RBFOX3: variants seen among roughly 807,000 people sequenced by gnomAD.
RBFOX3 encodes RNA binding fox-1 homolog 3, also known as RNA binding protein fox-1 homolog 3.
A neutral mutation model predicts 48.7 loss-of-function variants in RBFOX3; 17 were observed. The ratio of observed to expected loss-of-function variants is 0.35; its 90% CI spans 0.24 to 0.52. The LOEUF is 0.52. Ranked by LOEUF, RBFOX3 falls within the 20% of genes least tolerant of loss-of-function variation. The pLI, the probability that RBFOX3 is intolerant of heterozygous loss-of-function variation, is 0.94. For missense variants in RBFOX3, 382 were observed against 497.5 expected (o/e 0.77, Z 2.21); for synonymous variants, 212 against 209.5 (o/e 1.01, Z -0.10).
At chr17:79,405,601 A>T (rs893390610) in intron 2 of RBFOX3, among the ~76,000 whole-genome samples, 1 of 152,102 alleles carries the variant, frequency 6.6e-6, no homozygotes, top group Non-Finnish European at 1.5e-5. Flanking sequence ...CGCCCCTGTA[A>T]TCCTAGCTAC....
At chr17:79,543,541 G>A (rs527870415) in intron 1 of RBFOX3, among the ~76,000 whole-genome samples, 6 of 152,164 alleles carry the variant, frequency 3.9e-5, no homozygotes, top group South Asian at 2.1e-4. Context: ...GGCACAGAGC[G>A]AAACCAAGGC....
Position 79,477,433 on chromosome 17 carries a change from G to A in RBFOX3, c.-175+5021C>T, listed in dbSNP as rs1431260119. ...TAGCCAGACGTGGTGGCGGGCGCCT[G>A]TAGTCCCAGCTACTTGGGAGGCTGA... On this transcript the variant is annotated intron_variant, in intron 2 of 14. Coordinates refer to ENST00000693108, the MANE Select transcript of RBFOX3 (RefSeq NM_001350451.2). This position sits in a 1 kb window ranked among gnomAD's most constrained non-coding sequence, Gnocchi z 4.8. Among the ~76,000 whole-genome samples, 1 of 151,854 alleles carries A rather than the reference G, an allele frequency of 6.6e-6. No homozygotes were observed. Among genetic ancestry groups the A allele is most frequent in the Non-Finnish European group, 1.5e-5 (1 of 67,992 alleles).
At chr17:79,152,772 A>T (rs2044854628) in intron 4 of RBFOX3, among the ~76,000 whole-genome samples, 1 of 152,214 alleles carries the variant, frequency 6.6e-6, no homozygotes, top group Non-Finnish European at 1.5e-5. Flanking sequence ...GCCAGAGGCG[A>T]AGACAGGGCC....
intron 3 of RBFOX3, among the ~76,000 whole-genome samples, chr17:79,264,710 C>T (rs2066381808): frequency 6.6e-6 from 1 of 152,172 alleles, no homozygotes; most frequent in Non-Finnish European, 1.5e-5. Context: ...TTCTGTTTTC[C>T]TCCCTGGGAC....
rs1016722638 is a variant in RBFOX3 at position 79,330,583 on chromosome 17, T to C, written c.-174-22759A>G. ...GCGGGGTTTTCAGGGTGGCAGGGGG[T>C]CTGATAGTGGTCCCACTCCTGTCTC... On this transcript the variant is annotated intron_variant, in intron 2 of 14. Coordinates refer to ENST00000693108, the MANE Select transcript of RBFOX3 (RefSeq NM_001350451.2). 5.8e-5 allele frequency among the ~76,000 whole-genome samples: 8 copies of C among 137,844 alleles called. No homozygotes were observed. In the South Asian group the frequency reaches 1.8e-3, roughly 32 times the overall value. 90.4% of individuals were successfully genotyped at this position (137,844 alleles called of 152,430 possible). A position where few individuals can be genotyped will look rare whatever the true frequency, so the allele number is the denominator to read the frequency against.
chr17:79,091,929 GACT>G (rs776068739), intron 14 of RBFOX3: 10 of 981,116 alleles, frequency 1.0e-5, no homozygotes, highest in South Asian at 4.7e-5. Flanking sequence ...ACACGCTTGT[GACT>G]ACGTCGGCAA....
chr17:79,606,700 C>T (rs1452316976), intron 1 of RBFOX3, among the ~76,000 whole-genome samples: 2 of 152,144 alleles, frequency 1.3e-5, no homozygotes, highest in African/African-American at 4.8e-5. Context: ...GGAGGTGACT[C>T]GTCTGTCTGT....
rs139154592 is a variant in RBFOX3 at position 79,357,668 on chromosome 17, C to T, written c.-174-49844G>A. On this transcript the variant is annotated intron_variant, in intron 2 of 14. Transcript: ENST00000693108. The stretch of plus-strand genomic sequence containing the variant: ...CAAACAAAAAACAAACTCTGAAAGA[C>T]GACTTCACTCCTCATGCTAAATGAA... Among the ~76,000 whole-genome samples the T allele has an allele frequency of 1.3e-4, 18 of 142,148 alleles. No homozygotes were observed. In the East Asian group the frequency reaches 2.9e-3, roughly 23 times the overall value. The allele number at this position is 142,148 out of a possible 152,430, so 93.3% of individuals were successfully genotyped here. A position where few individuals can be genotyped will look rare whatever the true frequency, so the allele number is the denominator to read the frequency against.
intron 2 of RBFOX3, among the ~76,000 whole-genome samples, chr17:79,395,126 C>G (rs140678403): frequency 6.6e-6 from 1 of 152,238 alleles, no homozygotes; most frequent in Non-Finnish European, 1.5e-5. Context: ...AACCTTCTGC[C>G]GGAGACCAGG....
intron 2 of RBFOX3, among the ~76,000 whole-genome samples, chr17:79,455,103 CG>C (rs1364201015): frequency 6.6e-6 from 1 of 151,632 alleles, no homozygotes; most frequent in African/African-American, 2.4e-5. Flanking sequence ...TCCCCCTCCA[CG>C]GGGTGTGCAC....
At chr17:79,360,389 C>T (rs1404252692) in intron 2 of RBFOX3, among the ~76,000 whole-genome samples, 1 of 152,066 alleles carries the variant, frequency 6.6e-6, no homozygotes, top group Non-Finnish European at 1.5e-5. Flanking sequence ...ACTGCAATCC[C>T]GCCAACAGGT....
intron 2 of RBFOX3, among the ~76,000 whole-genome samples, chr17:79,375,930 C>T (rs560401881): frequency 3.9e-5 from 6 of 152,338 alleles, no homozygotes; most frequent in East Asian, 1.9e-4. Context: ...GGCTGTAAAA[C>T]GGGGAGTGCA....
chr17:79,115,701 G>GTAGGGGGGGGGGGGGT lies in RBFOX3; in HGVS notation c.14_15insACCCCCCCCCCCCCTA (p.Tyr5Ter). 4.8e-6 allele frequency: 2 copies of GTAGGGGGGGGGGGGGT among 415,910 alleles called. No individual in the cohort carries two copies. The highest frequency in any genetic ancestry group is 3.3e-5 in the Admixed American group (1 of 30,040). 25.8% of individuals were successfully genotyped at this position (415,910 alleles called of 1,614,324 possible). A position where few individuals can be genotyped will look rare whatever the true frequency, so the allele number is the denominator to read the frequency against. On this transcript the variant is annotated stop_gained and frameshift_variant, in exon 5 of 15. Transcript: ENST00000693108. LOFTEE classifies it high-confidence loss of function. ...GCGGAGGGGGGTACTGGGCGGGGGG[G>GTAGGGGGGGGGGGGGT]TAGGGCTGGGCCATCGCTTCAGGCG...
chr17:79,213,817 G>A (rs753196853), intron 4 of RBFOX3, among the ~76,000 whole-genome samples: 6 of 152,190 alleles, frequency 3.9e-5, no homozygotes, highest in Non-Finnish European at 7.3e-5. Flanking sequence ...AAAGGGCTGC[G>A]AACGTCACAG....
intron 4 of RBFOX3, among the ~76,000 whole-genome samples, chr17:79,218,242 G>A (rs550886282): frequency 6.6e-6 from 1 of 151,994 alleles, no homozygotes; most frequent in Non-Finnish European, 1.5e-5. Context: ...GACTTGGGGG[G>A]TGGCAGCGTT....
At chr17:79,302,424 A>T (rs1175254756) in intron 3 of RBFOX3, among the ~76,000 whole-genome samples, 1 of 152,208 alleles carries the variant, frequency 6.6e-6, no homozygotes, top group Admixed American at 6.5e-5. Flanking sequence ...TCACACCTGT[A>T]ATCTCAGCAC....
intron 1 of RBFOX3, among the ~76,000 whole-genome samples, chr17:79,521,317 G>GACAC (rs1253100066): frequency 0.064 from 9,519 of 149,772 alleles, 636 homozygotes; most frequent in African/African-American, 0.17. Context: ...CACATGCTCA[G>GACAC]ACACACACAT....
intron 2 of RBFOX3, among the ~76,000 whole-genome samples, chr17:79,342,570 C>T (rs996760868): frequency 1.4e-4 from 22 of 152,194 alleles, no homozygotes; most frequent in African/African-American, 4.8e-4. Flanking sequence ...CAAAGCCTAG[C>T]GGCTCAACCT....
rs1355063972 is a variant in RBFOX3, at chr17:79,097,446, A to G, written c.623-22T>C. On this transcript the variant is annotated intron_variant, in intron 10 of 14. Transcript: ENST00000693108. ...GTCACTGCAGGAAACGGGGCCCGAG[A>G]CACGTGTGAGAGGCACAAGGGGACC... The G allele has an allele frequency of 3.9e-6, 6 of 1,532,702 alleles. No homozygotes were observed. The South Asian group carries it at 6.1e-5, about 15-fold the overall frequency. 94.9% of individuals were successfully genotyped at this position (1,532,702 alleles called of 1,614,324 possible). A position where few individuals can be genotyped will look rare whatever the true frequency, so the allele number is the denominator to read the frequency against.
Sources: allele counts gnomAD v4.1 joint callset (sites outside exome capture counted in the v4.1 genomes callset), GRCh38; gene constraint gnomAD v4.1.1; non-coding constraint Gnocchi (gnomAD v3.1); transcripts MANE v1.5; gene names NCBI Gene and HGNC (gene_info 2026-07-23, HGNC 2026-07-21).